ATP2B4: variants seen among roughly 807,000 people sequenced by gnomAD.
ATP2B4 encodes the protein plasma membrane calcium-transporting ATPase 4.
In ATP2B4, 39 loss-of-function variants were observed where a neutral mutation model predicts 110.3. The ratio of observed to expected loss-of-function variants is 0.35; its 90% CI spans 0.27 to 0.46. The LOEUF is 0.46. ATP2B4 is among the 20% of genes least tolerant of loss of function. The pLI, the probability that ATP2B4 is intolerant of heterozygous loss-of-function variation, is 1.00. For synonymous variants in ATP2B4, 538 were observed against 571.7 expected (o/e 0.94, Z 0.84); for missense variants, 1,135 against 1,530.9 (o/e 0.74, Z 4.32).
intron 11 of ATP2B4, among the ~76,000 whole-genome samples, chr1:203,710,245 C>G (rs1181343395): frequency 6.6e-6 from 1 of 152,072 alleles, no homozygotes; most frequent in African/African-American, 2.4e-5. Context: ...TGGTGCGTGC[C>G]TGTAATCCCA....
chr1:203,634,521 C>A (rs1037716303), intron 1 of ATP2B4, among the ~76,000 whole-genome samples: 17 of 152,048 alleles, frequency 1.1e-4, no homozygotes, highest in African/African-American at 4.1e-4. Flanking sequence ...CAGTTTGCAG[C>A]CTCTACTATA....
At chr1:203,632,591 C>A (rs1432765162) in intron 1 of ATP2B4, among the ~76,000 whole-genome samples, 1 of 151,802 alleles carries the variant, frequency 6.6e-6, no homozygotes, top group African/African-American at 2.4e-5. Flanking sequence ...GATCCGCCCA[C>A]CTCAGCCTCC....
rs376933890 is a variant in ATP2B4 at position 203,707,080 on chromosome 1, C to T, written c.1171C>T (p.Arg391Cys). The change falls in exon 9 of 21, where the codon CGC becomes TGC. Residue 391 changes from arginine to cysteine, a missense_variant. This residue lies in a region of ATP2B4 where 162 missense variants were observed against 210.5 expected (regional missense o/e 0.77). Coordinates refer to ENST00000357681, the MANE Select transcript of ATP2B4 (RefSeq NM_001684.5). ...TGTGATTGACAACTTTGTGATAAAT[C>T]GCAGACCATGGCTCCCTGAGTGTAC... ...YFVIDNFVIN[R>C]RPWLPECTPI... 4 of 1,614,056 alleles carry T rather than the reference C, an allele frequency of 2.5e-6. No individual in the cohort carries two copies. The highest frequency in any genetic ancestry group is 2.7e-5 in the African/African-American group (2 of 75,038).
At chr1:203,680,137 T>C (rs1323019903) in intron 1 of ATP2B4, among the ~76,000 whole-genome samples, 1 of 151,818 alleles carries the variant, frequency 6.6e-6, no homozygotes, top group African/African-American at 2.4e-5. Flanking sequence ...CAAGACCCTA[T>C]ATGCTGGTGG....
intron 20 of ATP2B4, among the ~76,000 whole-genome samples, chr1:203,739,329 C>T (rs748472368): frequency 1.8e-4 from 28 of 151,918 alleles, no homozygotes; most frequent in Admixed American, 2.6e-4. Flanking sequence ...TCCTAGTTGC[C>T]GTCACTCACC....
At chr1:203,678,814 T>C (rs1046284513) in intron 1 of ATP2B4, among the ~76,000 whole-genome samples, 10 of 152,264 alleles carry the variant, frequency 6.6e-5, no homozygotes, top group Admixed American at 5.9e-4. Context: ...TCAAGACCAC[T>C]GACTTGCTAA....
chr1:203,711,879 A>G (rs1666018274), intron 12 of ATP2B4, 81 bp from the exon 13 acceptor site: 13 of 1,502,388 alleles, frequency 8.7e-6, no homozygotes, highest in Non-Finnish European at 1.2e-5. Flanking sequence ...CCTGTCTGCC[A>G]CAAAGGGACA....
rs1462312716 is a variant in ATP2B4, at chr1:203,629,032, G to A, written c.-465+1813G>A. Among the ~76,000 whole-genome samples the A allele has an allele frequency of 6.6e-6, 1 of 152,170 alleles. No individual in the cohort carries two copies. Among genetic ancestry groups the A allele is most frequent in the African/African-American group, 2.4e-5 (1 of 41,426 alleles). On this transcript the variant is annotated intron_variant, in intron 1 of 20. Coordinates refer to ENST00000357681, the MANE Select transcript of ATP2B4 (RefSeq NM_001684.5). This position sits in a 1 kb window ranked among gnomAD's most constrained non-coding sequence, Gnocchi z 4.6. ...GCCTTCAGCCCCAGGGCTTGGAGGA[G>A]TGGTAAAGGCTACAGCTGAGACACT...
intron 1 of ATP2B4, among the ~76,000 whole-genome samples, chr1:203,637,224 G>A (rs995963530): frequency 7.9e-5 from 12 of 152,180 alleles, no homozygotes; most frequent in South Asian, 4.1e-4. Flanking sequence ...GAGGTCAGGA[G>A]ATTGAAACCA....
intron 19 of ATP2B4, among the ~76,000 whole-genome samples, chr1:203,725,904 CT>C (rs756184004): frequency 1.7e-3 from 156 of 93,372 alleles, no homozygotes; most frequent in Middle Eastern, 8.5e-3. Context: ...CTTTTCTTTT[CT>C]TTTTTTTTTT....
chr1:203,671,631 T>C (rs1664665342), intron 1 of ATP2B4, among the ~76,000 whole-genome samples: 1 of 152,210 alleles, frequency 6.6e-6, no homozygotes, highest in Admixed American at 6.5e-5. Context: ...ACGTCTCTGG[T>C]GCCCGAGACA....
intron 1 of ATP2B4, among the ~76,000 whole-genome samples, chr1:203,643,472 C>G (rs1663692585): frequency 6.6e-6 from 1 of 152,204 alleles, no homozygotes; most frequent in Admixed American, 6.5e-5. Flanking sequence ...GAGTCTCAGG[C>G]TGGAATCTCC....
intron 1 of ATP2B4, among the ~76,000 whole-genome samples, chr1:203,669,141 A>G (rs1313143278): frequency 1.3e-5 from 2 of 152,154 alleles, no homozygotes; most frequent in African/African-American, 4.8e-5. Context: ...TGGTGTTTAA[A>G]GTGGTATGTA....
Position 203,722,666 on chromosome 1 carries a change from G to C in ATP2B4, c.3001G>C (p.Val1001Leu). The change falls in exon 18 of 21, where the codon GTC becomes CTC. Residue 1001 changes from valine to leucine, a missense_variant. Val to Leu is a conservative substitution (Grantham distance 32). This residue lies in a region of ATP2B4 where 155 missense variants were observed against 186.2 expected (regional missense o/e 0.83). Coordinates refer to ENST00000357681, the MANE Select transcript of ATP2B4 (RefSeq NM_001684.5). ...IYRNIIFCSVVLGTFICQIFI... is the reference protein window; with the variant it reads ...IYRNIIFCSVLLGTFICQIFI... ...CCGCAACATTATCTTCTGCTCTGTA[G>C]TCTTGGGCACATTCATCTGCCAGGT... 6.2e-7 allele frequency: 1 copy of C among 1,614,210 alleles called. No individual in the cohort carries two copies. Among genetic ancestry groups the C allele is most frequent in the Non-Finnish European group, 8.5e-7 (1 of 1,180,026 alleles).
chr1:203,740,066 C>T lies in ATP2B4; in HGVS notation c.*212C>T, dbSNP rs1226770796. The stretch of plus-strand genomic sequence containing the variant: ...TTGACTTGGGGTTTGTAGCGGGACC[C>T]AGTCAAACCCCATTCAGGTCATGGT... On this transcript the variant is annotated 3_prime_UTR_variant, in exon 21 of 21. Transcript: ENST00000357681. The T allele has an allele frequency of 1.7e-6, 1 of 575,042 alleles. No homozygotes were observed. Among genetic ancestry groups the T allele is most frequent in the African/African-American group, 1.9e-5 (1 of 53,518 alleles). 35.6% of individuals were successfully genotyped at this position (575,042 alleles called of 1,614,324 possible). A position where few individuals can be genotyped will look rare whatever the true frequency, so the allele number is the denominator to read the frequency against.
chr1:203,731,960 C>T (rs1288826316), intron 20 of ATP2B4, among the ~76,000 whole-genome samples: 1 of 151,000 alleles, frequency 6.6e-6, no homozygotes, highest in Non-Finnish European at 1.5e-5. Context: ...CGGCGGATCA[C>T]GAGGTCAGGA....
At chr1:203,718,103 G>T (rs1004233109) in intron 15 of ATP2B4, among the ~76,000 whole-genome samples, 2 of 152,004 alleles carry the variant, frequency 1.3e-5, no homozygotes, top group Non-Finnish European at 2.9e-5. Flanking sequence ...ACTTGCTTTT[G>T]TGTTTGTTTT....
chr1:203,699,785 T>C (rs1665636664), intron 4 of ATP2B4, 68 bp downstream of exon 4: 1 of 1,579,780 alleles, frequency 6.3e-7, no homozygotes, highest in African/African-American at 1.4e-5. Context: ...TCCTTTGGCA[T>C]GAGGGGGCTG....
At chr1:203,714,817 C>A (rs1666113840) in intron 15 of ATP2B4, among the ~76,000 whole-genome samples, 1 of 152,176 alleles carries the variant, frequency 6.6e-6, no homozygotes, top group Non-Finnish European at 1.5e-5. Flanking sequence ...TCTATCCTCA[C>A]ACTCAAGTAG....
Sources: allele counts gnomAD v4.1 joint callset (sites outside exome capture counted in the v4.1 genomes callset), GRCh38; gene constraint gnomAD v4.1.1; regional missense constraint gnomAD v4.1.1; non-coding constraint Gnocchi (gnomAD v3.1); transcripts MANE v1.5; gene names NCBI Gene and HGNC (gene_info 2026-07-23, HGNC 2026-07-21).